The following SCAMP1 variants were observed in gnomAD, a reference collection of about 807,000 sequenced individuals.
The protein encoded by SCAMP1 is secretory carrier-associated membrane protein 1.
Under a neutral mutation model 41.8 loss-of-function variants are expected in SCAMP1, and 15 were observed. The observed-to-expected ratio is 0.36, with a 90% CI of 0.24 to 0.55. SCAMP1 has a LOEUF of 0.55. Ranked by LOEUF, SCAMP1 falls within the 20% of genes least tolerant of loss-of-function variation. SCAMP1 has a pLI of 0.86. For missense variants in SCAMP1, 341 were observed against 412.6 expected, an observed-to-expected ratio of 0.83 and a Z score of 1.50; for synonymous variants, 135 against 136.8, an observed-to-expected ratio of 0.99 and a Z score of 0.09.
rs142861822 is a variant in SCAMP1, at chr5:78,465,394, C to G, written c.852+6032C>G. Among the ~76,000 whole-genome samples, 682 of 152,298 alleles carry G rather than the reference C, an allele frequency of 4.5e-3. 4 individuals are homozygous for G. Among genetic ancestry groups the G allele is most frequent in the Admixed American group, 7.4e-3 (113 of 15,292 alleles). Reference sequence around the variant, plus strand: ...TCTGTAACCACTCAGGTTTGGTGTCCTCAACTGTACTCCAAGCTGCGTGAG... The same window carrying G: ...TCTGTAACCACTCAGGTTTGGTGTCGTCAACTGTACTCCAAGCTGCGTGAG... On this transcript the variant is annotated intron_variant, in intron 8 of 8. Coordinates refer to ENST00000621999, the MANE Select transcript of SCAMP1 (RefSeq NM_004866.6).
chr5:78,399,388 A>G (rs988551456), intron 2 of SCAMP1, among the ~76,000 whole-genome samples: 1 of 152,232 alleles, frequency 6.6e-6, no homozygotes, highest in African/African-American at 2.4e-5. Context: ...TTTGTAAGAA[A>G]CTGCCAAACT....
intron 1 of SCAMP1, among the ~76,000 whole-genome samples, chr5:78,369,367 A>G (rs1447883376): frequency 6.6e-6 from 1 of 152,152 alleles, no homozygotes; most frequent in Non-Finnish European, 1.5e-5. Flanking sequence ...TTGGCCTCCC[A>G]AAGTGCTGGG....
Position 78,421,892 on chromosome 5 carries a change from C to T in SCAMP1, c.564C>T (p.Ile188=). ...SARAVDFGLS[I]LWFLLFTPCS... ...GAGCGGTTGATTTTGGATTGAGTATCCTGTGGTTCTTGCTTTTTACTCCTT... is the reference window on the plus strand; with the variant it reads ...GAGCGGTTGATTTTGGATTGAGTATTCTGTGGTTCTTGCTTTTTACTCCTT... Residue 188 remains isoleucine (I), a synonymous_variant, in exon 6 of 9, where the codon ATC becomes ATT. Transcript: ENST00000621999. 3 of 1,613,658 alleles carry T rather than the reference C, an allele frequency of 1.9e-6. No homozygotes were observed. The highest frequency in any genetic ancestry group is 2.5e-6 in the Non-Finnish European group (3 of 1,179,702).
intron 1 of SCAMP1, among the ~76,000 whole-genome samples, chr5:78,375,854 G>C (rs1471293534): frequency 6.6e-6 from 1 of 152,072 alleles, no homozygotes; most frequent in Non-Finnish European, 1.5e-5. Context: ...GCCTGGATCA[G>C]TACTGTCCAA....
At chr5:78,433,140 C>G (rs1580691320) in intron 6 of SCAMP1, among the ~76,000 whole-genome samples, 1 of 152,130 alleles carries the variant, frequency 6.6e-6, no homozygotes, top group African/African-American at 2.4e-5. Flanking sequence ...ATGTTGGCCA[C>G]CTTTTTGACT....
intron 5 of SCAMP1, among the ~76,000 whole-genome samples, chr5:78,419,250 A>C (rs1752281389): frequency 6.6e-6 from 1 of 152,208 alleles, no homozygotes; most frequent in Admixed American, 6.5e-5. Context: ...TACTAATTTT[A>C]TGCAGAGGAA....
intron 6 of SCAMP1, among the ~76,000 whole-genome samples, chr5:78,439,265 C>T (rs934882134): frequency 9.9e-5 from 15 of 152,180 alleles, no homozygotes; most frequent in East Asian, 1.9e-4. Context: ...TTATGATGTT[C>T]GCTGGTTATT....
chr5:78,441,849 A>G (rs1752931986), intron 6 of SCAMP1, among the ~76,000 whole-genome samples: 1 of 152,116 alleles, frequency 6.6e-6, no homozygotes, highest in Non-Finnish European at 1.5e-5. Context: ...CAAAAAGGTG[A>G]CTGGGTGTGG....
At chr5:78,444,004 A>G (rs1388134478) in intron 6 of SCAMP1, among the ~76,000 whole-genome samples, 3 of 152,040 alleles carry the variant, frequency 2.0e-5, no homozygotes, top group Non-Finnish European at 4.4e-5. Context: ...AGAATTTTCG[A>G]ATCTTCTTCC....
At chr5:78,460,675 T>C (rs1156934251) in intron 8 of SCAMP1, among the ~76,000 whole-genome samples, 1 of 149,378 alleles carries the variant, frequency 6.7e-6, no homozygotes, top group African/African-American at 2.5e-5. Flanking sequence ...TTGCACATAT[T>C]TTCTCCCATC....
intron 1 of SCAMP1, among the ~76,000 whole-genome samples, chr5:78,379,140 C>G (rs1365086169): frequency 6.6e-6 from 1 of 152,190 alleles, no homozygotes; most frequent in African/African-American, 2.4e-5. Context: ...ATTTTTGTCT[C>G]AGACATGCAC....
intron 2 of SCAMP1, among the ~76,000 whole-genome samples, chr5:78,404,792 A>C (rs1034473605): frequency 6.6e-6 from 1 of 152,110 alleles, no homozygotes; most frequent in Non-Finnish European, 1.5e-5. Context: ...GGTGTTTTTC[A>C]AAAATGGTTC....
At chr5:78,474,282 G>T (rs747225613) in intron 8 of SCAMP1, among the ~76,000 whole-genome samples, 1 of 151,980 alleles carries the variant, frequency 6.6e-6, no homozygotes. Context: ...AAGAATTTTG[G>T]GGGGAACACA....
chr5:78,434,073 C>T (rs1357731938), intron 6 of SCAMP1, among the ~76,000 whole-genome samples: 2 of 152,148 alleles, frequency 1.3e-5, no homozygotes, highest in East Asian at 1.9e-4. Flanking sequence ...GGTGGCTGCT[C>T]TTTGCCTCCC....
intron 4 of SCAMP1, among the ~76,000 whole-genome samples, chr5:78,418,496 G>GT (rs1423811992): frequency 2.6e-5 from 4 of 152,128 alleles, no homozygotes; most frequent in East Asian, 1.9e-4. Context: ...TTTGTTTCTT[G>GT]TTTTTTCTGT....
At chr5:78,449,529 G>C (rs1432305690) in intron 6 of SCAMP1, among the ~76,000 whole-genome samples, 1 of 152,196 alleles carries the variant, frequency 6.6e-6, no homozygotes, top group Non-Finnish European at 1.5e-5. Flanking sequence ...TCATCATAGT[G>C]ATTGGGGAAT....
chr5:78,412,747 G>T (rs1212628257), intron 2 of SCAMP1, among the ~76,000 whole-genome samples: 2 of 152,046 alleles, frequency 1.3e-5, no homozygotes, highest in African/African-American at 2.4e-5. Flanking sequence ...CGATTAGTTT[G>T]TATTTTCATG....
chr5:78,456,554 G>C (rs1324616342), intron 7 of SCAMP1, among the ~76,000 whole-genome samples: 1 of 151,176 alleles, frequency 6.6e-6, no homozygotes, highest in Non-Finnish European at 1.5e-5. Context: ...CGACAGATCT[G>C]CTGTTAGTCT....
intron 2 of SCAMP1, among the ~76,000 whole-genome samples, chr5:78,391,231 G>T (rs10045286): frequency 0.3 from 42,916 of 142,000 alleles, 3,916 homozygotes; most frequent in Non-Finnish European, 0.41. Flanking sequence ...AGGGGCGGCC[G>T]GGCAGAGGCG....
Sources: gnomAD v4.1 joint callset for allele counts (sites outside exome capture counted in the v4.1 genomes callset) on GRCh38, gnomAD v4.1.1 for gene constraint, MANE v1.5 for transcripts, NCBI Gene and HGNC (gene_info 2026-07-23, HGNC 2026-07-21) for gene names.